Variants in RIMS1 observed in about 807,000 individuals in gnomAD.
The protein encoded by RIMS1 is regulating synaptic membrane exocytosis protein 1.
A neutral mutation model predicts 214.1 loss-of-function variants in RIMS1; 83 were observed. That is an observed-to-expected ratio of 0.39 (90% CI 0.32 to 0.47). RIMS1 has a LOEUF of 0.47. RIMS1 is among the 20% of genes least tolerant of loss of function. RIMS1 has a pLI of 0.99. For synonymous variants in RIMS1, 793 were observed against 786.8 expected (o/e 1.01, Z -0.13); for missense variants, 2,050 against 2,161.8 (o/e 0.95, Z 1.03).
At chr6:72,187,709 G>C (rs2049362719) in intron 6 of RIMS1, among the ~76,000 whole-genome samples, 1 of 151,948 alleles carries the variant, frequency 6.6e-6, no homozygotes, top group Non-Finnish European at 1.5e-5. Flanking sequence ...GGTCAGGATG[G>C]TCTTGATCTC....
intron 14 of RIMS1, 34 bp from the exon 15 acceptor site, chr6:72,251,181 G>C (rs766420750): frequency 2.5e-6 from 4 of 1,573,856 alleles, no homozygotes; most frequent in Non-Finnish European, 3.5e-6. Flanking sequence ...TTTTGATAAA[G>C]GTACTTGATT....
chr6:72,363,220 T>C (rs951496761), intron 29 of RIMS1, among the ~76,000 whole-genome samples: 8 of 151,970 alleles, frequency 5.3e-5, no homozygotes, highest in African/African-American at 1.9e-4. Context: ...GATAATGACC[T>C]ATGATGGAAA....
intron 2 of RIMS1, among the ~76,000 whole-genome samples, chr6:71,969,339 TTTGA>T (rs1452224549): frequency 2.0e-5 from 3 of 151,550 alleles, no homozygotes; most frequent in African/African-American, 4.8e-5. Context: ...TTTTTGTTTG[TTTGA>T]TTGTTTTAGA....
chr6:72,255,247 G>C (rs1002188127), intron 16 of RIMS1, among the ~76,000 whole-genome samples: 8 of 152,190 alleles, frequency 5.3e-5, no homozygotes, highest in African/African-American at 1.9e-4. Flanking sequence ...TGTACTTTTA[G>C]ATGTTGGTTA....
At chr6:72,180,712 TG>T (rs2048298175) in intron 5 of RIMS1, among the ~76,000 whole-genome samples, 1 of 152,250 alleles carries the variant, frequency 6.6e-6, no homozygotes, top group Admixed American at 6.5e-5. Flanking sequence ...CTCATGATTT[TG>T]GGGCCAGGAC....
At position 71,979,589 on chromosome 6, in the gene RIMS1, T is replaced by C. The variant is rs1201120261; in HGVS notation, c.245+10526T>C. On this transcript the variant is annotated intron_variant, in intron 2 of 33. Transcript: ENST00000521978. ...TTAATTTAACAAATATTTACCATGA[T>C]CTTACAGTGTACTTGACACAATTTG... Among the ~76,000 whole-genome samples, 4 of 152,128 alleles carry C rather than the reference T, an allele frequency of 2.6e-5. No homozygotes were observed. In the East Asian group the frequency reaches 7.7e-4, roughly 29 times the overall value.
chr6:72,261,920 A>G (rs988258332), intron 19 of RIMS1: 1 of 984,892 alleles, frequency 1.0e-6, no homozygotes, highest in Non-Finnish European at 1.2e-6. Context: ...ACTGAAGGTC[A>G]AAGCATGAAC....
intron 29 of RIMS1, among the ~76,000 whole-genome samples, chr6:72,339,811 G>T (rs2096985503): frequency 6.6e-6 from 1 of 151,570 alleles, no homozygotes. Flanking sequence ...GTAATGGGAT[G>T]GCTGGGTCAA....
At chr6:72,115,867 C>T (rs2036973549) in intron 4 of RIMS1, among the ~76,000 whole-genome samples, 1 of 151,714 alleles carries the variant, frequency 6.6e-6, no homozygotes. Context: ...CAGAAACCTT[C>T]AAAAATATCT....
intron 4 of RIMS1, among the ~76,000 whole-genome samples, chr6:72,121,967 A>G (rs1231432774): frequency 2.0e-5 from 3 of 151,722 alleles, no homozygotes; most frequent in Admixed American, 6.6e-5. Flanking sequence ...ATTTATTTGC[A>G]TATGTAGAAC....
At chr6:72,397,177 A>C (rs1263372852) in intron 31 of RIMS1, among the ~76,000 whole-genome samples, 2 of 152,078 alleles carry the variant, frequency 1.3e-5, no homozygotes, top group African/African-American at 2.4e-5. Flanking sequence ...TTACCAAAAA[A>C]TGGGGAGAAT....
chr6:72,118,510 G>T (rs945966811), intron 4 of RIMS1, among the ~76,000 whole-genome samples: 5 of 151,368 alleles, frequency 3.3e-5, no homozygotes. Context: ...AACCAGGAAA[G>T]GACATAACAA....
At chr6:71,993,321 G>A (rs535203921) in intron 2 of RIMS1, among the ~76,000 whole-genome samples, 1 of 152,160 alleles carries the variant, frequency 6.6e-6, no homozygotes, top group African/African-American at 2.4e-5. Context: ...ATTTTCTTTT[G>A]TTTTGTTTTC....
At chr6:71,975,760 CA>C (rs1306654069) in intron 2 of RIMS1, among the ~76,000 whole-genome samples, 1 of 151,982 alleles carries the variant, frequency 6.6e-6, no homozygotes. Flanking sequence ...CATCTGAAAC[CA>C]TTACTTTCTA....
chr6:72,005,881 A>C (rs1415379767), intron 2 of RIMS1, among the ~76,000 whole-genome samples: 1 of 152,244 alleles, frequency 6.6e-6, no homozygotes, highest in East Asian at 1.9e-4. Flanking sequence ...CTATCAATGT[A>C]ACACAACATA....
intron 4 of RIMS1, among the ~76,000 whole-genome samples, chr6:72,101,615 A>G (rs2033609786): frequency 1.3e-5 from 2 of 151,964 alleles, no homozygotes; most frequent in African/African-American, 4.8e-5. Flanking sequence ...GAAGAGAGAT[A>G]AGGGTGAATA....
intron 2 of RIMS1, among the ~76,000 whole-genome samples, chr6:72,028,112 T>A (rs577744938): frequency 6.6e-6 from 1 of 152,176 alleles, no homozygotes; most frequent in Non-Finnish European, 1.5e-5. Context: ...TCTGACTGGA[T>A]GTGTTAAGTA....
chr6:72,371,179 A>G (rs1050151499), intron 29 of RIMS1, among the ~76,000 whole-genome samples: 3 of 152,082 alleles, frequency 2.0e-5, no homozygotes, highest in African/African-American at 7.2e-5. Context: ...GTGTGTGCAC[A>G]TGTGTGGTCT....
intron 4 of RIMS1, among the ~76,000 whole-genome samples, chr6:72,110,682 A>G (rs2035886688): frequency 6.6e-6 from 1 of 151,472 alleles, no homozygotes; most frequent in South Asian, 2.1e-4. Context: ...TTCCTAATTG[A>G]ATACCCTTTA....
Sources: allele counts gnomAD v4.1 joint callset (sites outside exome capture counted in the v4.1 genomes callset), GRCh38; gene constraint gnomAD v4.1.1; transcripts MANE v1.5; gene names NCBI Gene and HGNC (gene_info 2026-07-23, HGNC 2026-07-21).